The following GFPT2 variants were observed in gnomAD, a reference collection of about 807,000 sequenced individuals.
GFPT2 encodes glutamine--fructose-6-phosphate aminotransferase [isomerizing] 2.
GFPT2 carries 62 observed loss-of-function variants against 85.6 expected under a neutral mutation model. The observed-to-expected ratio is 0.72, with a 90% confidence interval of 0.59 to 0.90. The LOEUF is 0.90. Ranked by LOEUF, GFPT2 falls within the 40% of genes least tolerant of loss-of-function variation. The pLI is 0.00. For synonymous variants in GFPT2, 368 were observed against 344.5 expected (o/e 1.07, Z -0.75); for missense variants, 788 against 893.4 (o/e 0.88, Z 1.50).
chr5:180,324,804 T>C lies in GFPT2; in HGVS notation c.676+12A>G, dbSNP rs771569663. The C allele has an allele frequency of 1.3e-6, 2 of 1,535,166 alleles. No homozygotes were observed. The highest frequency in any genetic ancestry group is 1.4e-5 in the African/African-American group (1 of 73,340). On this transcript the variant is annotated intron_variant, in intron 8 of 18. Transcript: ENST00000253778. The stretch of plus-strand genomic sequence containing the variant: ...GCAGCTGTGCTGTTCCGGTACTTCT[T>C]GAGAAACTTACACGTCCTGTATAAG...
chr5:180,330,118 C>T lies in GFPT2; in HGVS notation c.534+582G>A, dbSNP rs1353660237. Among the ~76,000 whole-genome samples, 2 of 152,198 alleles carry T rather than the reference C, an allele frequency of 1.3e-5. No homozygotes were observed. The highest frequency in any genetic ancestry group is 1.9e-4 in the East Asian group (1 of 5,194). On this transcript the variant is annotated intron_variant, in intron 6 of 18. Coordinates refer to ENST00000253778, the MANE Select transcript of GFPT2 (RefSeq NM_005110.4). The surrounding 1 kb of genome is among the most constrained non-coding windows in gnomAD (Gnocchi z 4.4). The stretch of plus-strand genomic sequence containing the variant: ...GGTGGATCACTTAAAGTCAGGAGTT[C>T]GAGACCAGCCTGGTCAACATAGTGA...
At chr5:180,342,816 C>G (rs1764543776) in intron 1 of GFPT2, among the ~76,000 whole-genome samples, 1 of 151,676 alleles carries the variant, frequency 6.6e-6, no homozygotes, top group Admixed American at 6.6e-5. Flanking sequence ...GCAGGAGAAT[C>G]TCTTGAACTC....
intron 13 of GFPT2, 96 bp from the exon 14 acceptor site, chr5:180,314,060 GGCGCCCGAGACACA>G: frequency 3.9e-6 from 5 of 1,269,806 alleles, no homozygotes; most frequent in Non-Finnish European, 5.3e-6. Context: ...CAGGGAAATC[GGCGCCCGAGACACA>G]GCCAGCGGGT....
At chr5:180,321,526 C>T (rs1285365493) in intron 9 of GFPT2, among the ~76,000 whole-genome samples, 1 of 152,216 alleles carries the variant, frequency 6.6e-6, no homozygotes, top group Non-Finnish European at 1.5e-5. Flanking sequence ...CAGAAAAGAG[C>T]TGTGCCTTCC....
chr5:180,335,082 G>A (rs1285655836), intron 4 of GFPT2, among the ~76,000 whole-genome samples: 1 of 152,254 alleles, frequency 6.6e-6, no homozygotes, highest in African/African-American at 2.4e-5. Context: ...ACCCACCAAG[G>A]ACAGCAGGTG....
rs139507500 is a variant in GFPT2 at position 180,314,899 on chromosome 5, C to T, written c.1274-935G>A. ...CTGCATTATTTTCATATTAGCTCCA[C>T]CTCTGTTCTTTTGTTAATGTCTCCC... On this transcript the variant is annotated intron_variant, in intron 13 of 18. Transcript: ENST00000253778. Among the ~76,000 whole-genome samples, 1,121 of 152,292 alleles carry T rather than the reference C, an allele frequency of 7.4e-3. 21 individuals are homozygous for T. The highest frequency in any genetic ancestry group is 0.025 in the African/African-American group (1,047 of 41,548).
At chr5:180,309,839 A>C (rs2080958) in intron 15 of GFPT2, among the ~76,000 whole-genome samples, 98,933 of 150,114 alleles carry the variant, frequency 0.66, 32,963 homozygotes, top group East Asian at 0.84. Context: ...GAGATGGAGT[A>C]TCACTCTGTC....
Position 180,304,925 on chromosome 5 carries a change from T to C in GFPT2, c.1689A>G (p.Ile563Met). 1.9e-6 allele frequency: 3 copies of C among 1,609,182 alleles called. No homozygotes were observed. Among genetic ancestry groups the C allele is most frequent in the Non-Finnish European group, 2.6e-6 (3 of 1,175,824 alleles). Residue 563 changes from isoleucine to methionine, a missense_variant, in exon 17 of 19, where the codon ATA becomes ATG. Physicochemically the swap from Ile to Met is conservative, Grantham distance 10. Coordinates refer to ENST00000253778, the MANE Select transcript of GFPT2 (RefSeq NM_005110.4). ...CLEGALKIKE[I>M]TYMHSEGILA... ...GGATGCCTTCTGAGTGCATGTAGGT[T>C]ATCTCTTTAATTTTCTGGAAACAGG... is the stretch of plus-strand genomic sequence containing the variant.
intron 15 of GFPT2, among the ~76,000 whole-genome samples, chr5:180,310,049 A>G (rs558743355): frequency 2.0e-5 from 3 of 149,754 alleles, no homozygotes; most frequent in African/African-American, 7.4e-5. Context: ...TGACCTCATG[A>G]TCTGCCTGCC....
chr5:180,303,861 C>T (rs1004345242), intron 17 of GFPT2, among the ~76,000 whole-genome samples: 12 of 152,100 alleles, frequency 7.9e-5, no homozygotes, highest in South Asian at 4.1e-4. Flanking sequence ...GCTAAGGTGA[C>T]GACTCGTGGT....
chr5:180,353,290 CTCCTCCGTG>C lies in GFPT2; in HGVS notation c.-82_-74del. The C allele has an allele frequency of 1.8e-6, 2 of 1,135,262 alleles. No individual in the cohort carries two copies. The highest frequency in any genetic ancestry group is 2.2e-6 in the Non-Finnish European group (2 of 909,688). The allele number at this position is 1,135,262 out of a possible 1,614,324, so 70.3% of individuals were successfully genotyped here. On this transcript the variant is annotated 5_prime_UTR_variant, in exon 1 of 19. Transcript: ENST00000253778. ...TCGGACGCTGGGGCTCCTCCGTGGG[CTCCTCCGTG>C]GGCTCCGTGGGCTCCGTGGGCTCCG...
chr5:180,339,818 G>A (rs1764475566), intron 1 of GFPT2, among the ~76,000 whole-genome samples: 1 of 152,272 alleles, frequency 6.6e-6, no homozygotes, highest in South Asian at 2.1e-4. Flanking sequence ...AAGGGCACAG[G>A]CTGGTGCTTC....
chr5:180,307,181 C>T lies in GFPT2; in HGVS notation c.1669G>A (p.Ala557Thr), dbSNP rs1763798492. The T allele has an allele frequency of 6.4e-7, 1 of 1,572,298 alleles. No individual in the cohort carries two copies. The highest frequency in any genetic ancestry group is 8.6e-7 in the Non-Finnish European group (1 of 1,159,830). Residue 557 changes from alanine (A) to threonine (T), a missense_variant, in exon 16 of 19, where the codon GCC becomes ACC. Physicochemically the swap from Ala to Thr is moderately conservative, Grantham distance 58 (BLOSUM62 0). Transcript: ENST00000253778. Reference protein sequence around the residue: ...GYNYATCLEGALKIKEITYMH... With the variant: ...GYNYATCLEGTLKIKEITYMH... Reference sequence around the variant, plus strand: ...GGCTGGGGGTGGGGGCTCACCAGGGCTCCTTCCAGGCAGGTGGCATAGTTG... The same window carrying T: ...GGCTGGGGGTGGGGGCTCACCAGGGTTCCTTCCAGGCAGGTGGCATAGTTG...
intron 1 of GFPT2, among the ~76,000 whole-genome samples, chr5:180,349,724 A>G (rs534329283): frequency 1.3e-5 from 2 of 152,036 alleles, no homozygotes; most frequent in Non-Finnish European, 2.9e-5. Flanking sequence ...GTGAGCGAAT[A>G]CATTTCTGTT....
At chr5:180,302,302 A>T in intron 18 of GFPT2, 121 bp downstream of exon 18, 1 of 716,712 alleles carries the variant, frequency 1.4e-6, no homozygotes, top group African/African-American at 1.8e-5. Flanking sequence ...AAAAAAAAAG[A>T]AAGCTACTTT....
At position 180,328,372 on chromosome 5, in the gene GFPT2, T is replaced by C. The variant is rs765403695; in HGVS notation, c.535-34A>G. On this transcript the variant is annotated intron_variant, in intron 6 of 18. Transcript: ENST00000253778. This position sits in a 1 kb window ranked among gnomAD's most constrained non-coding sequence, Gnocchi z 5.4. ...ACACAAACAGTGAGGGTCAACGCGT[T>C]CCAGCAGCCGCTGCTGCAGCCTGGC... 4 of 1,564,174 alleles carry C rather than the reference T, an allele frequency of 2.6e-6. No individual in the cohort carries two copies. In the South Asian group the frequency reaches 4.4e-5, roughly 17 times the overall value.
chr5:180,339,489 A>G (rs145091834), intron 1 of GFPT2, among the ~76,000 whole-genome samples: 14 of 152,256 alleles, frequency 9.2e-5, no homozygotes, highest in African/African-American at 3.1e-4. Context: ...CTATGAGTCA[A>G]GAAGATTTTG....
At chr5:180,308,218 G>A (rs536558044) in intron 15 of GFPT2, among the ~76,000 whole-genome samples, 3 of 151,268 alleles carry the variant, frequency 2.0e-5, no homozygotes, top group Admixed American at 6.6e-5. Flanking sequence ...ATGGCACCAC[G>A]GCACTCCAGC....
In GFPT2 at chr5:180,318,629, C is replaced by T. The variant is rs1258168281; in HGVS notation, c.958+164G>A. On this transcript the variant is annotated intron_variant, in intron 10 of 18. Coordinates refer to ENST00000253778, the MANE Select transcript of GFPT2 (RefSeq NM_005110.4). The surrounding 1 kb of genome is among the most constrained non-coding windows in gnomAD (Gnocchi z 4.2). ...TGGAGGTGCCAGGCCAGCCTCCCCA[C>T]ATCCCCTCACCTGTGCAAGCCACAG... The T allele has an allele frequency of 2.6e-5, 16 of 615,046 alleles. No individual in the cohort carries two copies. Among genetic ancestry groups the T allele is most frequent in the Middle Eastern group, 4.4e-4 (1 of 2,282 alleles). 38.1% of individuals were successfully genotyped at this position (615,046 alleles called of 1,614,324 possible).
Sources: gnomAD v4.1 joint callset for allele counts (sites outside exome capture counted in the v4.1 genomes callset) on GRCh38, gnomAD v4.1.1 for gene constraint, Gnocchi (gnomAD v3.1) non-coding constraint, MANE v1.5 for transcripts, NCBI Gene and HGNC (gene_info 2026-07-23, HGNC 2026-07-21) for gene names.